GPHN: variants seen among roughly 807,000 people sequenced by gnomAD.
The protein encoded by GPHN is gephyrin.
Under a neutral mutation model 95.5 loss-of-function variants are expected in GPHN, and 17 were observed. The ratio of observed to expected loss-of-function variants is 0.18; its 90% CI spans 0.12 to 0.27. The LOEUF is 0.27. GPHN is among the 10% of genes least tolerant of loss of function. The pLI, the probability that GPHN is intolerant of heterozygous loss-of-function variation, is 1.00. For missense variants in GPHN, 660 were observed against 978.1 expected (o/e 0.67, Z 4.34); for synonymous variants, 320 against 322.5 (o/e 0.99, Z 0.08).
intron 1 of GPHN, among the ~76,000 whole-genome samples, chr14:66,620,136 T>C (rs549834696): frequency 6.6e-6 from 1 of 152,276 alleles, no homozygotes; most frequent in African/African-American, 2.4e-5. Context: ...TTGTTCACAC[T>C]TACCCATGTG....
At chr14:66,679,744 G>A (rs947698966) in intron 1 of GPHN, among the ~76,000 whole-genome samples, 2 of 152,030 alleles carry the variant, frequency 1.3e-5, no homozygotes, top group East Asian at 3.9e-4. Flanking sequence ...CTGCTTAATT[G>A]CAGATAGTGT....
chr14:66,882,431 C>G (rs2063974036), intron 5 of GPHN, among the ~76,000 whole-genome samples: 3 of 151,734 alleles, frequency 2.0e-5, no homozygotes, highest in African/African-American at 4.8e-5. Flanking sequence ...ACCATTACGT[C>G]TGTTTGAAAT....
At chr14:66,699,297 A>T (rs2068340791) in intron 2 of GPHN, among the ~76,000 whole-genome samples, 1 of 152,110 alleles carries the variant, frequency 6.6e-6, no homozygotes, top group South Asian at 2.1e-4. Context: ...ACATGTATAC[A>T]TATGTAACAA....
the GPHN span, among the ~76,000 whole-genome samples, chr14:67,257,437 T>G: frequency 6.6e-6 from 1 of 152,144 alleles, no homozygotes; most frequent in African/African-American, 2.4e-5. Context: ...CCAGCTTGAC[T>G]TTTCCTTGGC....
At chr14:66,769,904 C>T (rs1024801362) in intron 2 of GPHN, among the ~76,000 whole-genome samples, 1 of 152,228 alleles carries the variant, frequency 6.6e-6, no homozygotes, top group Non-Finnish European at 1.5e-5. Flanking sequence ...GGAATTGCCA[C>T]GGTGCTTTCC....
chr14:66,646,961 A>G (rs2064782679), intron 1 of GPHN, among the ~76,000 whole-genome samples: 2 of 152,126 alleles, frequency 1.3e-5, no homozygotes, highest in South Asian at 4.2e-4. Context: ...CAATGGCTCT[A>G]TCATGGCTCA....
the GPHN span, among the ~76,000 whole-genome samples, chr14:67,190,510 G>A: frequency 0.07 from 10,632 of 152,084 alleles, 381 homozygotes; most frequent in Middle Eastern, 0.088. Context: ...GGCGTGAGCC[G>A]TTGTGCCCGG....
intron 8 of GPHN, among the ~76,000 whole-genome samples, chr14:66,954,093 C>G (rs1434838177): frequency 1.3e-5 from 2 of 149,616 alleles, no homozygotes; most frequent in Non-Finnish European, 1.5e-5. Context: ...CTTTCTTTGT[C>G]TTTTTCAAGA....
chr14:67,213,455 A>G, the GPHN span, among the ~76,000 whole-genome samples: 19 of 148,392 alleles, frequency 1.3e-4, no homozygotes, highest in Admixed American at 6.8e-5. Context: ...GAGAATGATG[A>G]TTTCCAATTT....
chr14:67,118,577 A>G (rs1268565981), intron 16 of GPHN, among the ~76,000 whole-genome samples: 1 of 151,984 alleles, frequency 6.6e-6, no homozygotes, highest in Non-Finnish European at 1.5e-5. Flanking sequence ...AATACAAAAA[A>G]ATTAGCCGGG....
the GPHN span, among the ~76,000 whole-genome samples, chr14:67,214,187 A>G: frequency 4.8e-3 from 727 of 152,208 alleles, 19 homozygotes; most frequent in Non-Finnish European, 1.1e-3. Flanking sequence ...CCATTTGTCA[A>G]TTTTGGCTTT....
intron 9 of GPHN, among the ~76,000 whole-genome samples, chr14:67,021,993 C>G (rs952078530): frequency 6.6e-6 from 1 of 152,036 alleles, no homozygotes; most frequent in Admixed American, 6.6e-5. Context: ...TTCTCTCTCC[C>G]AGATTTTTCT....
chr14:66,672,312 T>G (rs2066342549), intron 1 of GPHN, among the ~76,000 whole-genome samples: 1 of 152,140 alleles, frequency 6.6e-6, no homozygotes, highest in African/African-American at 2.4e-5. Flanking sequence ...CACTATAATT[T>G]TGTGGTAAGA....
chr14:67,503,745 C>G, the GPHN span, among the ~76,000 whole-genome samples: 11 of 152,148 alleles, frequency 7.2e-5, no homozygotes, highest in African/African-American at 2.7e-4. Flanking sequence ...GCTCTGTCAC[C>G]CAGGCTGGAG....
intron 2 of GPHN, among the ~76,000 whole-genome samples, chr14:66,722,078 T>TTG (rs1491481395): frequency 6.6e-6 from 1 of 151,782 alleles, no homozygotes; most frequent in Non-Finnish European, 1.5e-5. Context: ...TATATAAGTA[T>TTG]TGTTTATTAC....
chr14:66,958,911 C>T (rs2068711447), intron 8 of GPHN, among the ~76,000 whole-genome samples: 1 of 152,024 alleles, frequency 6.6e-6, no homozygotes, highest in Non-Finnish European at 1.5e-5. Flanking sequence ...TTTATCTCCT[C>T]TATTACTTCC....
At chr14:66,536,734 C>T (rs2140012105) in intron 1 of GPHN, among the ~76,000 whole-genome samples, 1 of 152,276 alleles carries the variant, frequency 6.6e-6, no homozygotes, top group South Asian at 2.1e-4. Flanking sequence ...GTTGATTCTG[C>T]AGTCTTTGGT....
the GPHN span, among the ~76,000 whole-genome samples, chr14:67,424,505 G>C: frequency 1.3e-5 from 2 of 151,492 alleles, no homozygotes; most frequent in Admixed American, 6.6e-5. Context: ...AGGCTGAGGT[G>C]GGGGGAGTGC....
At chr14:66,929,643 T>C (rs983425936) in intron 8 of GPHN, among the ~76,000 whole-genome samples, 2 of 152,132 alleles carry the variant, frequency 1.3e-5, no homozygotes, top group African/African-American at 4.8e-5. Flanking sequence ...TGCTACTCTT[T>C]TTGGGTTTCC....
Sources: allele counts gnomAD v4.1 joint callset (sites outside exome capture counted in the v4.1 genomes callset), GRCh38; gene constraint gnomAD v4.1.1; transcripts MANE v1.5; gene names NCBI Gene and HGNC (gene_info 2026-07-23, HGNC 2026-07-21).